Variants in MTDH observed in about 807,000 individuals in gnomAD.
The protein encoded by MTDH is protein LYRIC.
In MTDH, 34 loss-of-function variants were observed where a neutral mutation model predicts 72.7. That is an observed-to-expected ratio of 0.47 (90% CI 0.36 to 0.62). The LOEUF (loss-of-function observed/expected upper bound fraction) is 0.62. Ranked by LOEUF, MTDH falls within the 20% of genes least tolerant of loss-of-function variation. The probability of loss-of-function intolerance (pLI) is 0.00; values close to 1 mark genes in which losing one functional copy is unlikely to be tolerated. For synonymous variants in MTDH, 266 were observed against 268.9 expected (o/e 0.99, Z 0.10); for missense variants, 677 against 699.4 (o/e 0.97, Z 0.36).
chr8:97,648,280 T>C (rs1811638272), intron 1 of MTDH, among the ~76,000 whole-genome samples: 1 of 151,976 alleles, frequency 6.6e-6, no homozygotes, highest in African/African-American at 2.4e-5. Context: ...CCACCCCTGT[T>C]CCTGGCATTT....
rs192983517 is a variant in MTDH, at chr8:97,667,068, G to A, written c.483+5895G>A. Among the ~76,000 whole-genome samples the A allele has an allele frequency of 3.5e-3, 539 of 152,258 alleles. 6 individuals are homozygous for A. The highest frequency in any genetic ancestry group is 0.021 in the South Asian group (103 of 4,822). On this transcript the variant is annotated intron_variant, in intron 2 of 11. Transcript: ENST00000336273. The stretch of plus-strand genomic sequence containing the variant: ...GCGCAGTGGCACAGTCATGCTCACT[G>A]CAGCCTCGACCTCCCAGGCTCAAGC...
At position 97,656,438 on chromosome 8, in the gene MTDH, G is replaced by C. The variant is rs561285894; in HGVS notation, c.382-4634G>C. 2.0e-5 allele frequency among the ~76,000 whole-genome samples: 3 copies of C among 151,504 alleles called. No individual in the cohort carries two copies. In the East Asian group the frequency reaches 5.9e-4, roughly 30 times the overall value. ...TCCTGCCTCAGCCTCCCGAGTCTGG[G>C]ACTACAGGTGCTTGCCAGCACACCC... is the stretch of plus-strand genomic sequence containing the variant. On this transcript the variant is annotated intron_variant, in intron 1 of 11. Transcript: ENST00000336273.
At chr8:97,705,662 A>G (rs1814321957) in intron 7 of MTDH, among the ~76,000 whole-genome samples, 2 of 152,222 alleles carry the variant, frequency 1.3e-5, no homozygotes, top group South Asian at 2.1e-4. Context: ...TTAGTGGGAA[A>G]TGATTGGATT....
At position 97,725,104 on chromosome 8, in the gene MTDH, A is replaced by G. The variant is rs1349593956; in HGVS notation, c.*434A>G. 1 of 152,962 alleles carries G rather than the reference A, an allele frequency of 6.5e-6. No homozygotes were observed. The highest frequency in any genetic ancestry group is 1.9e-4 in the East Asian group (1 of 5,216). The allele number at this position is 152,962 out of a possible 1,614,324, so 9.5% of individuals were successfully genotyped here. ...TTTGAATCTGTTTTATGCTTAAATC[A>G]AAGTGCTTTGATCAAATGCATAACC... On this transcript the variant is annotated 3_prime_UTR_variant, in exon 12 of 12. Coordinates refer to ENST00000336273, the MANE Select transcript of MTDH (RefSeq NM_178812.4).
rs543147078 is a variant in MTDH, at chr8:97,662,389, A to G, written c.483+1216A>G. On this transcript the variant is annotated intron_variant, in intron 2 of 11. Transcript: ENST00000336273. ...TGTCTATGCATAGCCCCTTTTCAGG[A>G]AAAAAAAAACAAACAAAAACAAAAC... 2.0e-5 allele frequency among the ~76,000 whole-genome samples: 3 copies of G among 147,148 alleles called. No homozygotes were observed. The East Asian group carries it at 5.9e-4, about 29-fold the overall frequency.
chr8:97,679,086 A>G (rs973654684), intron 2 of MTDH, among the ~76,000 whole-genome samples: 1 of 152,206 alleles, frequency 6.6e-6, no homozygotes, highest in Non-Finnish European at 1.5e-5. Context: ...CATGGGATCC[A>G]ATTCCAGTTC....
intron 1 of MTDH, among the ~76,000 whole-genome samples, chr8:97,646,611 C>A (rs964150452): frequency 1.2e-4 from 18 of 152,120 alleles, no homozygotes; most frequent in Non-Finnish European, 2.1e-4. Flanking sequence ...AGAACCCATC[C>A]GACATGCGTT....
intron 2 of MTDH, among the ~76,000 whole-genome samples, chr8:97,684,543 G>C (rs144653244): frequency 2.0e-3 from 303 of 152,268 alleles, no homozygotes; most frequent in African/African-American, 7.1e-3. Flanking sequence ...GCAGAGTTCT[G>C]TGGTTGCTCC....
intron 10 of MTDH, among the ~76,000 whole-genome samples, chr8:97,721,271 G>A (rs994496862): frequency 1.3e-5 from 2 of 151,922 alleles, no homozygotes; most frequent in South Asian, 2.1e-4. Context: ...TGAAACCCCC[G>A]TCTCTACCAA....
At chr8:97,681,076 G>A (rs990887599) in intron 2 of MTDH, among the ~76,000 whole-genome samples, 3 of 152,106 alleles carry the variant, frequency 2.0e-5, no homozygotes, top group African/African-American at 7.2e-5. Flanking sequence ...AAGGAAAAGG[G>A]GGACAGTGGT....
At chr8:97,702,925 A>G (rs1372150282) in intron 7 of MTDH, among the ~76,000 whole-genome samples, 2 of 152,258 alleles carry the variant, frequency 1.3e-5, no homozygotes, top group South Asian at 4.1e-4. Flanking sequence ...AAAGAAAACC[A>G]GTATGGCTCT....
intron 6 of MTDH, among the ~76,000 whole-genome samples, chr8:97,693,118 T>G (rs1309116270): frequency 6.6e-6 from 1 of 152,186 alleles, no homozygotes; most frequent in East Asian, 1.9e-4. Context: ...CTCTACTACA[T>G]AGTGCCTAAG....
In MTDH at chr8:97,713,701, C is replaced by T. The variant is rs768300782; in HGVS notation, c.1312C>T (p.Pro438Ser). 5 of 1,608,098 alleles carry T rather than the reference C, an allele frequency of 3.1e-6. No individual in the cohort carries two copies. In the South Asian group the frequency reaches 5.6e-5, roughly 18 times the overall value. ...TAAAGAAAAGGGAGAGGGAGCTCTT[C>T]CAACTGGGAAATCCAAAAAGAAAAA... ...DDKEKGEGAL[P>S]TGKSKKKKKK... Residue 438 changes from proline to serine, a missense_variant, in exon 9 of 12, where the codon CCA (proline) becomes TCA (serine). Coordinates refer to ENST00000336273, the MANE Select transcript of MTDH (RefSeq NM_178812.4).
At chr8:97,711,674 A>G (rs949615927) in intron 8 of MTDH, among the ~76,000 whole-genome samples, 2 of 152,204 alleles carry the variant, frequency 1.3e-5, no homozygotes, top group African/African-American at 2.4e-5. Context: ...GGATGACTGA[A>G]ACCACAGATA....
intron 2 of MTDH, among the ~76,000 whole-genome samples, chr8:97,666,755 T>C (rs1486749155): frequency 2.0e-5 from 3 of 152,172 alleles, no homozygotes; most frequent in Non-Finnish European, 4.4e-5. Context: ...TGGAGTGCAG[T>C]GGCACGATCT....
chr8:97,715,414 C>T (rs1295390251), intron 9 of MTDH, among the ~76,000 whole-genome samples: 1 of 152,230 alleles, frequency 6.6e-6, no homozygotes, highest in Non-Finnish European at 1.5e-5. Flanking sequence ...CAGGTGTGAG[C>T]CACCACGCCC....
chr8:97,671,027 G>A (rs1345528319), intron 2 of MTDH, among the ~76,000 whole-genome samples: 5 of 141,926 alleles, frequency 3.5e-5, no homozygotes, highest in Non-Finnish European at 7.6e-5. Flanking sequence ...CTGCAGTGGC[G>A]CAATCTCGGC....
intron 1 of MTDH, among the ~76,000 whole-genome samples, chr8:97,656,277 A>G (rs1811968379): frequency 6.6e-6 from 1 of 151,794 alleles, no homozygotes. Flanking sequence ...AAGAGTGCTC[A>G]AATGACATCT....
At chr8:97,724,033 C>T (rs546986288) in intron 11 of MTDH, among the ~76,000 whole-genome samples, 58 of 152,250 alleles carry the variant, frequency 3.8e-4, no homozygotes, top group African/African-American at 1.2e-3. Context: ...CGCTTGAACG[C>T]GGGAGGCGGA....
Sources: allele counts gnomAD v4.1 joint callset (sites outside exome capture counted in the v4.1 genomes callset), GRCh38; gene constraint gnomAD v4.1.1; transcripts MANE v1.5; gene names NCBI Gene and HGNC (gene_info 2026-07-23, HGNC 2026-07-21).